The following LRRC4C variants were observed in gnomAD, a reference collection of about 807,000 sequenced individuals.
The protein encoded by LRRC4C is leucine rich repeat containing 4C, also known as leucine-rich repeat-containing protein 4C.
LRRC4C carries 5 observed loss-of-function variants against 33.6 expected under a neutral mutation model. The observed-to-expected ratio is 0.15, with a 90% confidence interval of 0.08 to 0.31. LRRC4C has a LOEUF of 0.31. Among genes scored for constraint, LRRC4C ranks in the 10% least tolerant of loss-of-function variants. The pLI is 1.00. For synonymous variants in LRRC4C, 329 were observed against 302.0 expected (o/e 1.09, Z -0.93); for missense variants, 560 against 796.7 (o/e 0.70, Z 3.58).
In LRRC4C at chr11:40,679,908, G is replaced by A. The variant is rs573295368; in HGVS notation, c.-406-31630C>T. The stretch of plus-strand genomic sequence containing the variant: ...AGAGGGCCACCATCCTCCAGACCCC[G>A]GAATGGTAGATCCACTGATAGCTTG... On this transcript the variant is annotated intron_variant, in intron 2 of 6. Coordinates refer to ENST00000528697, the MANE Select transcript of LRRC4C (RefSeq NM_001258419.2). Among the ~76,000 whole-genome samples the A allele has an allele frequency of 7.2e-5, 11 of 152,210 alleles. 1 individual carries two copies. Among genetic ancestry groups the A allele is most frequent in the South Asian group, 4.1e-4 (2 of 4,826 alleles).
intron 3 of LRRC4C, among the ~76,000 whole-genome samples, chr11:40,473,793 T>A (rs1189269211): frequency 1.3e-5 from 2 of 152,060 alleles, no homozygotes. Flanking sequence ...ATCACAAGCA[T>A]TCCTCTACAC....
At chr11:40,346,775 C>T (rs917930095) in intron 3 of LRRC4C, among the ~76,000 whole-genome samples, 3 of 152,176 alleles carry the variant, frequency 2.0e-5, no homozygotes, top group Non-Finnish European at 4.4e-5. Flanking sequence ...TGACCGAGTA[C>T]ATTGTCAATG....
At chr11:40,720,631 C>A (rs1946964480) in intron 2 of LRRC4C, among the ~76,000 whole-genome samples, 2 of 152,272 alleles carry the variant, frequency 1.3e-5, no homozygotes, top group Admixed American at 1.3e-4. Context: ...TTCCAGGTAG[C>A]TAAAATTTGT....
chr11:41,150,579 A>C (rs915297012), intron 1 of LRRC4C, among the ~76,000 whole-genome samples: 3 of 151,858 alleles, frequency 2.0e-5, no homozygotes, highest in South Asian at 2.1e-4. Context: ...ATCACGAGGT[A>C]AGGAGTTTGA....
Position 40,654,808 on chromosome 11 carries a change from T to C in LRRC4C, c.-406-6530A>G, listed in dbSNP as rs4756615. Among the ~76,000 whole-genome samples, 543 of 152,280 alleles carry C rather than the reference T, an allele frequency of 3.6e-3. 5 individuals are homozygous for C. The highest frequency in any genetic ancestry group is 0.013 in the African/African-American group (524 of 41,570). ...CCCACCCAAATCTCACCTTGAATTA[T>C]AATCCCCATAATACCCACGTGTCAA... On this transcript the variant is annotated intron_variant, in intron 2 of 6. Transcript: ENST00000528697.
chr11:41,223,502 A>G (rs1947396367), intron 1 of LRRC4C, among the ~76,000 whole-genome samples: 1 of 152,186 alleles, frequency 6.6e-6, no homozygotes, highest in South Asian at 2.1e-4. Flanking sequence ...ACAGTTACAT[A>G]TTGCAAGACA....
chr11:41,040,309 A>C (rs777838215), intron 1 of LRRC4C, among the ~76,000 whole-genome samples: 1 of 150,708 alleles, frequency 6.6e-6, no homozygotes, highest in Non-Finnish European at 1.5e-5. Flanking sequence ...TTTCAAAGGA[A>C]TGCATATTTA....
chr11:40,210,503 A>G (rs1048617541), intron 5 of LRRC4C, among the ~76,000 whole-genome samples: 1 of 152,062 alleles, frequency 6.6e-6, no homozygotes, highest in Non-Finnish European at 1.5e-5. Context: ...TCAGCTTTCT[A>G]TTTTGCTTTA....
chr11:40,822,409 A>T (rs1951972158), intron 2 of LRRC4C, among the ~76,000 whole-genome samples: 1 of 151,466 alleles, frequency 6.6e-6, no homozygotes, highest in African/African-American at 2.4e-5. Context: ...AAATCCATTC[A>T]TTCACTGATG....
chr11:41,126,071 T>G (rs1942724018), intron 1 of LRRC4C, among the ~76,000 whole-genome samples: 1 of 152,094 alleles, frequency 6.6e-6, no homozygotes, highest in South Asian at 2.1e-4. Context: ...ATTTTAAAAA[T>G]GTCTAATGCA....
intron 3 of LRRC4C, among the ~76,000 whole-genome samples, chr11:40,412,853 G>A (rs1318512648): frequency 6.6e-6 from 1 of 152,096 alleles, no homozygotes; most frequent in African/African-American, 2.4e-5. Flanking sequence ...TTGGGTTGTT[G>A]TGAAGACTAG....
intron 2 of LRRC4C, among the ~76,000 whole-genome samples, chr11:40,846,257 C>T (rs1027881658): frequency 3.9e-5 from 6 of 152,056 alleles, no homozygotes; most frequent in African/African-American, 1.2e-4. Flanking sequence ...TTTGTCCATG[C>T]CTATGTCCTG....
chr11:40,941,363 A>AT (rs1958136895), intron 1 of LRRC4C, among the ~76,000 whole-genome samples: 1 of 152,118 alleles, frequency 6.6e-6, no homozygotes, highest in South Asian at 2.1e-4. Context: ...CTACAAATAA[A>AT]TGCTCTCACA....
intron 2 of LRRC4C, among the ~76,000 whole-genome samples, chr11:40,752,439 T>C (rs541468972): frequency 5.3e-5 from 8 of 151,922 alleles, no homozygotes; most frequent in African/African-American, 1.9e-4. Flanking sequence ...AGTGGACAAG[T>C]AACCTGAATA....
intron 1 of LRRC4C, among the ~76,000 whole-genome samples, chr11:41,406,867 T>C (rs1481250545): frequency 1.3e-5 from 2 of 152,084 alleles, no homozygotes; most frequent in Non-Finnish European, 2.9e-5. Flanking sequence ...GCAAATCTGA[T>C]AAAAACCATC....
At chr11:41,187,001 C>G (rs1230170970) in intron 1 of LRRC4C, among the ~76,000 whole-genome samples, 1 of 152,054 alleles carries the variant, frequency 6.6e-6, no homozygotes, top group Admixed American at 6.5e-5. Flanking sequence ...GGACCCAAAC[C>G]CAGATCTAAA....
intron 1 of LRRC4C, among the ~76,000 whole-genome samples, chr11:41,091,372 C>T (rs938135303): frequency 1.3e-5 from 2 of 151,956 alleles, no homozygotes; most frequent in Non-Finnish European, 2.9e-5. Context: ...AACTACTAAA[C>T]ACTAAGCAGT....
At chr11:40,285,755 G>C (rs1456649423) in intron 4 of LRRC4C, among the ~76,000 whole-genome samples, 1 of 152,158 alleles carries the variant, frequency 6.6e-6, no homozygotes, top group Admixed American at 6.5e-5. Flanking sequence ...CTCAAGCCCA[G>C]TGAAAACATT....
At chr11:40,121,692 G>T (rs750435451) in intron 6 of LRRC4C, among the ~76,000 whole-genome samples, 3 of 152,186 alleles carry the variant, frequency 2.0e-5, no homozygotes, top group Non-Finnish European at 4.4e-5. Context: ...ACTGAGAGCT[G>T]CAGTGAGAGA....
Sources: gnomAD v4.1 joint callset for allele counts (sites outside exome capture counted in the v4.1 genomes callset) on GRCh38, gnomAD v4.1.1 for gene constraint, MANE v1.5 for transcripts, NCBI Gene and HGNC (gene_info 2026-07-23, HGNC 2026-07-21) for gene names.